The following MSI2 variants were observed in gnomAD, a reference collection of about 807,000 sequenced individuals.
The protein encoded by MSI2 is RNA-binding protein Musashi homolog 2.
MSI2 carries 17 observed loss-of-function variants against 45.6 expected under a neutral mutation model. The ratio of observed to expected loss-of-function variants is 0.37; its 90% CI spans 0.26 to 0.56. MSI2 has a LOEUF of 0.56. Ranked by LOEUF, MSI2 falls within the 20% of genes least tolerant of loss-of-function variation. The pLI, the probability that MSI2 is intolerant of heterozygous loss-of-function variation, is 0.77. For synonymous variants in MSI2, 156 were observed against 158.2 expected (o/e 0.99, Z 0.11); for missense variants, 293 against 444.2 (o/e 0.66, Z 3.06).
rs1485507541 is a variant in MSI2, at chr17:57,256,715, G to C, written c.-28G>C. 1.2e-4 allele frequency: 85 copies of C among 726,416 alleles called. No individual in the cohort carries two copies. Among genetic ancestry groups the C allele is most frequent in the Non-Finnish European group, 1.0e-4 (53 of 524,034 alleles). The allele number at this position is 726,416 out of a possible 1,614,324, so 45.0% of individuals were successfully genotyped here. On this transcript the variant is annotated 5_prime_UTR_variant, in exon 1 of 14. Transcript: ENST00000284073. ...CGATCGCTGTGGGGCTTGGTTTTTT[G>C]GGGGTGGGGGGGCGGGGGGGCTCAG...
Position 57,378,070 on chromosome 17 carries a change from A to G in MSI2, c.313-23309A>G, listed in dbSNP as rs147010824. Among the ~76,000 whole-genome samples the G allele has an allele frequency of 9.2e-3, 1,356 of 147,450 alleles. 19 individuals carry two copies. Among genetic ancestry groups the G allele is most frequent in the African/African-American group, 0.033 (1,288 of 39,200 alleles). ...AGCCTGGGTGACAGAGCGAGACATC[A>G]TCTCAAAAAAAAAAAAAAGAAAAAA... On this transcript the variant is annotated intron_variant, in intron 5 of 13. Transcript: ENST00000284073.
intron 6 of MSI2, among the ~76,000 whole-genome samples, chr17:57,454,431 T>A (rs1250475191): frequency 2.0e-5 from 3 of 148,486 alleles, no homozygotes; most frequent in Non-Finnish European, 4.4e-5. Flanking sequence ...TTTTTCTTTT[T>A]CTCTTTCTTT....
chr17:57,642,146 A>C (rs572942940), intron 10 of MSI2, among the ~76,000 whole-genome samples: 1 of 152,112 alleles, frequency 6.6e-6, no homozygotes, highest in South Asian at 2.1e-4. Context: ...CTCCACCTCA[A>C]TGGGTAGTAA....
At chr17:57,449,070 T>C (rs1285695949) in intron 6 of MSI2, 3 of 152,276 alleles carry the variant, frequency 2.0e-5, no homozygotes, top group African/African-American at 7.2e-5. Flanking sequence ...GACACCCACA[T>C]ATCAAACTCC....
At chr17:57,527,670 G>A (rs139356187) in intron 6 of MSI2, among the ~76,000 whole-genome samples, 121 of 152,344 alleles carry the variant, frequency 7.9e-4, no homozygotes, top group African/African-American at 2.8e-3. Flanking sequence ...GGCCCCAGGA[G>A]CCTGTTTGTT....
At chr17:57,420,292 TC>T (rs1489293733) in intron 6 of MSI2, among the ~76,000 whole-genome samples, 1 of 152,226 alleles carries the variant, frequency 6.6e-6, no homozygotes, top group Non-Finnish European at 1.5e-5. Context: ...CGACTGACGT[TC>T]GGGGCAGTCT....
chr17:57,684,893 A>G (rs1913826679), downstream of MSI2, among the ~76,000 whole-genome samples: 1 of 152,128 alleles, frequency 6.6e-6, no homozygotes, highest in African/African-American at 2.4e-5. Flanking sequence ...GTGGCAAGAG[A>G]GCACTAAGAT....
chr17:57,590,709 G>A (rs971853317), intron 7 of MSI2, among the ~76,000 whole-genome samples: 1 of 152,290 alleles, frequency 6.6e-6, no homozygotes, highest in South Asian at 2.1e-4. Context: ...GAGCCCCTTG[G>A]AAGTGTGGGG....
At position 57,674,982 on chromosome 17, in the gene MSI2, G is replaced by A. The variant is rs376993424; in HGVS notation, c.801G>A (p.Pro267=). ...CCGCTTCCCCGGCAGGCTCCAACCC[G>A]GCGCGGCCCGGAGGCTTCCCGGGGG... ...VAAARGSGSN[P]ARPGGFPGAN... The change falls in exon 12 of 14, where the codon CCG becomes CCA. Residue 267 remains proline (P), a synonymous_variant. Transcript: ENST00000284073. 3.7e-6 allele frequency: 6 copies of A among 1,613,246 alleles called. No individual in the cohort carries two copies. The highest frequency in any genetic ancestry group is 3.3e-5 in the South Asian group (3 of 91,014).
At chr17:57,480,750 G>T (rs141395355) in intron 6 of MSI2, among the ~76,000 whole-genome samples, 1 of 152,180 alleles carries the variant, frequency 6.6e-6, no homozygotes, top group South Asian at 2.1e-4. Context: ...CTGTCCTAGC[G>T]TTGAAGCCAT....
chr17:57,420,161 A>G (rs11079298), intron 6 of MSI2, among the ~76,000 whole-genome samples: 107,001 of 152,088 alleles, frequency 0.7, 38,277 homozygotes, highest in South Asian at 0.87. Context: ...TTGCACCTCT[A>G]GGGTCCAGGA....
At chr17:57,367,299 T>A (rs1917264471) in intron 5 of MSI2, among the ~76,000 whole-genome samples, 1 of 152,220 alleles carries the variant, frequency 6.6e-6, no homozygotes, top group African/African-American at 2.4e-5. Flanking sequence ...TTTTTTTTCC[T>A]TCAAATTTTA....
intron 7 of MSI2, among the ~76,000 whole-genome samples, chr17:57,534,037 C>T (rs149689028): frequency 5.9e-5 from 9 of 152,364 alleles, no homozygotes; most frequent in African/African-American, 2.2e-4. Context: ...AAACAGCCAA[C>T]ACTTTCTGAG....
chr17:57,572,726 C>T (rs769073905), intron 7 of MSI2, among the ~76,000 whole-genome samples: 11 of 152,208 alleles, frequency 7.2e-5, no homozygotes, highest in Non-Finnish European at 1.2e-4. Context: ...GAGGCTGCCA[C>T]CCACCAGCTC....
Position 57,552,461 on chromosome 17 carries a change from C to T in MSI2, c.454+22737C>T, listed in dbSNP as rs1331847255. The stretch of plus-strand genomic sequence containing the variant: ...CCTCCTGGCACGCTCTAGCCTAGGC[C>T]TGAAGTAGCAGGGCCAGACGCTAGG... On this transcript the variant is annotated intron_variant, in intron 7 of 13. Transcript: ENST00000284073. This position sits in a 1 kb window ranked among gnomAD's most constrained non-coding sequence, Gnocchi z 4.3. 6.6e-6 allele frequency among the ~76,000 whole-genome samples: 1 copy of T among 152,182 alleles called. No individual in the cohort carries two copies. Among genetic ancestry groups the T allele is most frequent in the East Asian group, 1.9e-4 (1 of 5,186 alleles).
the MSI2 span, among the ~76,000 whole-genome samples, chr17:57,696,284 G>A: frequency 1.5e-4 from 23 of 152,234 alleles, no homozygotes; most frequent in Admixed American, 3.9e-4. Context: ...TGTCACGGCA[G>A]AGTGTGGAAG....
chr17:57,403,248 G>A (rs748386745), intron 6 of MSI2, among the ~76,000 whole-genome samples: 3 of 152,134 alleles, frequency 2.0e-5, no homozygotes, highest in African/African-American at 7.2e-5. Context: ...ATCTCTGCAC[G>A]TCCCCAACCC....
chr17:57,271,939 G>A (rs910163316), intron 5 of MSI2, among the ~76,000 whole-genome samples: 7 of 152,126 alleles, frequency 4.6e-5, no homozygotes, highest in African/African-American at 1.7e-4. Context: ...AAGCACAGAA[G>A]TTTACAATGG....
chr17:57,319,504 G>A (rs1913146395), intron 5 of MSI2, among the ~76,000 whole-genome samples: 1 of 152,206 alleles, frequency 6.6e-6, no homozygotes, highest in South Asian at 2.1e-4. Flanking sequence ...ATCCACCTGT[G>A]TTAGATTCAA....
Sources: gnomAD v4.1 joint callset for allele counts (sites outside exome capture counted in the v4.1 genomes callset) on GRCh38, gnomAD v4.1.1 for gene constraint, Gnocchi (gnomAD v3.1) non-coding constraint, MANE v1.5 for transcripts, NCBI Gene and HGNC (gene_info 2026-07-23, HGNC 2026-07-21) for gene names.